The following TENM2 variants were observed in gnomAD, a reference collection of about 807,000 sequenced individuals.
The protein encoded by TENM2 is teneurin-2.
Under a neutral mutation model 245.2 loss-of-function variants are expected in TENM2, and 52 were observed. The observed-to-expected ratio is 0.21, with a 90% CI of 0.17 to 0.27. The LOEUF (loss-of-function observed/expected upper bound fraction) is 0.27, where lower values mean the gene tolerates loss of function less well. TENM2 is among the 10% of genes least tolerant of loss of function. The pLI, the probability that TENM2 is intolerant of heterozygous loss-of-function variation, is 1.00. For missense variants in TENM2, 3,046 were observed against 3,666.8 expected (o/e 0.83, Z 4.37); for synonymous variants, 1,363 against 1,438.9 (o/e 0.95, Z 1.19).
At chr5:167,158,382 A>G in the TENM2 span, among the ~76,000 whole-genome samples, 1 of 152,118 alleles carries the variant, frequency 6.6e-6, no homozygotes, top group Non-Finnish European at 1.5e-5. Flanking sequence ...TATATCTTAT[A>G]TGATCTCTTT....
At chr5:166,990,686 G>C in the TENM2 span, among the ~76,000 whole-genome samples, 1 of 152,084 alleles carries the variant, frequency 6.6e-6, no homozygotes, top group African/African-American at 2.4e-5. Context: ...TTTAAATGAA[G>C]GTGAAACAGG....
chr5:166,999,891 T>A, the TENM2 span, among the ~76,000 whole-genome samples: 1 of 151,792 alleles, frequency 6.6e-6, no homozygotes, highest in Admixed American at 6.6e-5. Flanking sequence ...GAGGAAGGAA[T>A]AGAGCTGGAG....
intron 1 of TENM2, among the ~76,000 whole-genome samples, chr5:167,298,971 A>T (rs1755141084): frequency 6.6e-6 from 1 of 152,176 alleles, no homozygotes; most frequent in Non-Finnish European, 1.5e-5. Flanking sequence ...GTCTGGACTG[A>T]GACTGGGGCT....
At chr5:167,564,227 C>A (rs545505438) in intron 2 of TENM2, among the ~76,000 whole-genome samples, 51 of 152,050 alleles carry the variant, frequency 3.4e-4, no homozygotes, top group Non-Finnish European at 6.5e-4. Context: ...CAGGGCAAGC[C>A]CTGCTGAGAA....
chr5:167,967,027 G>C (rs186247528), intron 4 of TENM2: 14 of 152,318 alleles, frequency 9.2e-5, no homozygotes, highest in African/African-American at 3.4e-4. Context: ...CTGGCCACCA[G>C]CAGCATTTCA....
rs577093987 is a variant in TENM2 at position 168,248,206 on chromosome 5, G to A, written c.7267G>A (p.Val2423Ile). ...ACTCTATGACCCCCTGACCAAGCTG[G>A]TCCACTTCACTCAGCGTGATTATGA... Residue 2423 changes from valine (V) to isoleucine (I), a missense_variant, in exon 27 of 29, where the codon GTC becomes ATC. Physicochemically the swap from Val to Ile is conservative, Grantham distance 29 (BLOSUM62 3). This residue lies in a region of TENM2 where 2,704 missense variants were observed against 3,331.9 expected (regional missense o/e 0.81). Transcript: ENST00000518659. The A allele has an allele frequency of 3.6e-4, 574 of 1,614,004 alleles. 8 individuals are homozygous for A. The South Asian group carries it at 5.6e-3, about 16-fold the overall frequency.
intron 7 of TENM2, among the ~76,000 whole-genome samples, chr5:168,077,363 A>G (rs1358603489): frequency 2.0e-5 from 3 of 151,986 alleles, no homozygotes; most frequent in African/African-American, 4.8e-5. Flanking sequence ...AGTACCCACT[A>G]TGGGCCAAGC....
chr5:168,122,568 A>C (rs1212344145), intron 10 of TENM2, among the ~76,000 whole-genome samples: 1 of 152,224 alleles, frequency 6.6e-6, no homozygotes, highest in Non-Finnish European at 1.5e-5. Flanking sequence ...TGAAGGTATC[A>C]AATGGGCTTA....
At chr5:167,060,088 A>G in the TENM2 span, among the ~76,000 whole-genome samples, 2 of 152,316 alleles carry the variant, frequency 1.3e-5, no homozygotes, top group East Asian at 1.9e-4. Context: ...AACAAATTCT[A>G]TATAGAAATT....
intron 12 of TENM2, among the ~76,000 whole-genome samples, chr5:168,155,398 G>A (rs1201714547): frequency 3.0e-5 from 1 of 33,526 alleles, no homozygotes; most frequent in Non-Finnish European, 4.8e-5. Flanking sequence ...AAAACAGTTG[G>A]TGAAAGGGGG....
At chr5:167,967,391 G>A (rs1315030703) in intron 4 of TENM2, among the ~76,000 whole-genome samples, 3 of 152,182 alleles carry the variant, frequency 2.0e-5, no homozygotes, top group Non-Finnish European at 4.4e-5. Flanking sequence ...TGTGGCACGT[G>A]TGCAAATTAC....
chr5:167,299,987 A>G (rs1028788613), intron 1 of TENM2, among the ~76,000 whole-genome samples: 2 of 152,218 alleles, frequency 1.3e-5, no homozygotes, highest in Non-Finnish European at 2.9e-5. Flanking sequence ...GGCCTTTAAA[A>G]GTATTAAAGC....
chr5:167,005,655 GTTTTTTTTTTTT>G, the TENM2 span, among the ~76,000 whole-genome samples: 2 of 52,976 alleles, frequency 3.8e-5, no homozygotes, highest in Admixed American at 7.0e-4. Context: ...CTGTGTGTGG[GTTTTTTTTTTTT>G]TTTTTTTTTT....
intron 2 of TENM2, among the ~76,000 whole-genome samples, chr5:167,856,588 C>T (rs746868143): frequency 1.3e-5 from 2 of 152,174 alleles, no homozygotes; most frequent in Non-Finnish European, 2.9e-5. Context: ...TTCAGATATG[C>T]AGAATGCAGA....
At chr5:167,227,703 A>G in the TENM2 span, among the ~76,000 whole-genome samples, 2 of 152,180 alleles carry the variant, frequency 1.3e-5, no homozygotes, top group East Asian at 1.9e-4. Context: ...TGTCTTTGAC[A>G]TTAGAGTTTG....
intron 2 of TENM2, among the ~76,000 whole-genome samples, chr5:167,452,631 T>G (rs187561361): frequency 3.0e-4 from 45 of 152,090 alleles, no homozygotes; most frequent in African/African-American, 1.1e-3. Context: ...AGAACAAGAA[T>G]GCATGGTTGT....
At chr5:167,466,498 G>C (rs7725953) in intron 2 of TENM2, among the ~76,000 whole-genome samples, 78,286 of 152,024 alleles carry the variant, frequency 0.51, 20,238 homozygotes, top group East Asian at 0.53. Flanking sequence ...TACTGTTTTC[G>C]AGGTTTCTCA....
chr5:167,742,671 G>T (rs577446194), intron 2 of TENM2, among the ~76,000 whole-genome samples: 55 of 152,054 alleles, frequency 3.6e-4, no homozygotes, highest in African/African-American at 1.3e-3. Context: ...ATTCAAATTT[G>T]CCATCTGGAT....
intron 1 of TENM2, among the ~76,000 whole-genome samples, chr5:167,304,578 T>G (rs1013389123): frequency 2.0e-5 from 3 of 152,240 alleles, no homozygotes; most frequent in Non-Finnish European, 4.4e-5. Flanking sequence ...GATTTGGTAC[T>G]TAGGGAATAT....
Sources: gnomAD v4.1 joint callset for allele counts (sites outside exome capture counted in the v4.1 genomes callset) on GRCh38, gnomAD v4.1.1 for gene constraint, gnomAD v4.1.1 regional missense constraint, MANE v1.5 for transcripts, NCBI Gene and HGNC (gene_info 2026-07-23, HGNC 2026-07-21) for gene names.